CDK14: variants seen among roughly 807,000 people sequenced by gnomAD.
CDK14 encodes the protein cyclin-dependent kinase 14.
A neutral mutation model predicts 60.7 loss-of-function variants in CDK14; 34 were observed. The observed-to-expected ratio is 0.56, with a 90% confidence interval of 0.43 to 0.75. The LOEUF (loss-of-function observed/expected upper bound fraction) is 0.75, where lower values mean the gene tolerates loss of function less well. CDK14 is among the 30% of genes least tolerant of loss of function. The probability of loss-of-function intolerance (pLI) is 0.00; values close to 1 mark genes in which losing one functional copy is unlikely to be tolerated. For synonymous variants in CDK14, 197 were observed against 203.7 expected, an observed-to-expected ratio of 0.97 and a Z score of 0.28; for missense variants, 482 against 564.1, an observed-to-expected ratio of 0.85 and a Z score of 1.47.
chr7:90,647,172 A>G (rs1321111077), intron 2 of CDK14, among the ~76,000 whole-genome samples: 1 of 152,226 alleles, frequency 6.6e-6, no homozygotes, highest in African/African-American at 2.4e-5. Flanking sequence ...ACACTTAGTT[A>G]TACCTGATGA....
At chr7:91,086,123 AACACT>A (rs1232730338) in intron 12 of CDK14, among the ~76,000 whole-genome samples, 2 of 152,194 alleles carry the variant, frequency 1.3e-5, no homozygotes, top group African/African-American at 4.8e-5. Context: ...CTGCTTTGGA[AACACT>A]ACACTAAAGA....
intron 14 of CDK14, among the ~76,000 whole-genome samples, chr7:91,172,833 T>C (rs773376061): frequency 6.6e-6 from 1 of 152,226 alleles, no homozygotes; most frequent in African/African-American, 2.4e-5. Context: ...TTTGACCTTG[T>C]ACCTTACTCT....
chr7:90,662,370 C>A (rs900650878), intron 2 of CDK14, among the ~76,000 whole-genome samples: 23 of 152,236 alleles, frequency 1.5e-4, no homozygotes, highest in African/African-American at 5.3e-4. Context: ...TCCTGCTTTG[C>A]TCTCTTGCTC....
chr7:90,983,108 A>G (rs546094622), intron 9 of CDK14, among the ~76,000 whole-genome samples: 3 of 152,344 alleles, frequency 2.0e-5, no homozygotes, highest in South Asian at 2.1e-4. Context: ...ATGAGAATGT[A>G]TAATAAATTA....
chr7:91,042,726 C>T (rs1340287808), intron 10 of CDK14, among the ~76,000 whole-genome samples: 4 of 152,158 alleles, frequency 2.6e-5, no homozygotes, highest in Non-Finnish European at 5.9e-5. Flanking sequence ...TTCGTGGCAC[C>T]TCAGTTGCAA....
chr7:90,936,676 G>A (rs981657956), intron 8 of CDK14, among the ~76,000 whole-genome samples: 3 of 152,102 alleles, frequency 2.0e-5, no homozygotes, highest in African/African-American at 7.2e-5. Flanking sequence ...CAGCTTGGGT[G>A]CCCTCAGGAA....
chr7:90,841,851 G>A (rs1028156445), intron 5 of CDK14, among the ~76,000 whole-genome samples: 4 of 152,086 alleles, frequency 2.6e-5, no homozygotes, highest in African/African-American at 7.2e-5. Flanking sequence ...GGGCACTGCG[G>A]TAGGTGTTTC....
chr7:90,866,089 T>G (rs1379095066), intron 6 of CDK14, among the ~76,000 whole-genome samples: 2 of 152,134 alleles, frequency 1.3e-5, no homozygotes, highest in Non-Finnish European at 2.9e-5. Context: ...TTGAATAAGT[T>G]TTGTAGATTG....
intron 5 of CDK14, among the ~76,000 whole-genome samples, chr7:90,816,022 C>T (rs1437990430): frequency 6.6e-6 from 1 of 152,088 alleles, no homozygotes; most frequent in African/African-American, 2.4e-5. Context: ...CACCATGGCA[C>T]GTGTATGCCT....
chr7:91,137,628 G>A (rs938989601), intron 14 of CDK14, among the ~76,000 whole-genome samples: 4 of 151,322 alleles, frequency 2.6e-5, no homozygotes, highest in African/African-American at 9.7e-5. Flanking sequence ...ACACACACAC[G>A]CACACACACA....
chr7:90,853,627 A>G (rs957231225), intron 5 of CDK14, among the ~76,000 whole-genome samples: 1 of 152,202 alleles, frequency 6.6e-6, no homozygotes, highest in African/African-American at 2.4e-5. Flanking sequence ...TAAATGTTAA[A>G]TGGACAGTTT....
chr7:91,181,646 C>T (rs1438268250), intron 14 of CDK14, among the ~76,000 whole-genome samples: 1 of 152,112 alleles, frequency 6.6e-6, no homozygotes, highest in Non-Finnish European at 1.5e-5. Flanking sequence ...AAGATGAAGG[C>T]TTGGTTCTTT....
chr7:90,863,094 C>A, intron 5 of CDK14, 81 bp from the exon 6 acceptor site: 1 of 676,498 alleles, frequency 1.5e-6, no homozygotes, highest in Non-Finnish European at 2.6e-6. Context: ...TCTCATCTGA[C>A]AGTGTGCCAA....
At chr7:90,756,551 G>A (rs1049525092) in intron 4 of CDK14, among the ~76,000 whole-genome samples, 6 of 152,160 alleles carry the variant, frequency 3.9e-5, no homozygotes, top group African/African-American at 9.7e-5. Context: ...CCTCCAGGTG[G>A]AGAGGAAAGC....
chr7:90,812,068 A>C lies in CDK14; in HGVS notation c.544+21416A>C, dbSNP rs1363591978. On this transcript the variant is annotated intron_variant, in intron 5 of 14. Transcript: ENST00000380050. ...GTGGAAGTCAGTGTGGCGATTCCTC[A>C]GGGATCTAGAACTAGAAATACCATT... Among the ~76,000 whole-genome samples, 5 of 152,220 alleles carry C rather than the reference A, an allele frequency of 3.3e-5. No individual in the cohort carries two copies. In the East Asian group the frequency reaches 9.6e-4, roughly 29 times the overall value.
intron 12 of CDK14, among the ~76,000 whole-genome samples, chr7:91,080,114 C>G (rs990311062): frequency 6.6e-6 from 1 of 152,136 alleles, no homozygotes; most frequent in Non-Finnish European, 1.5e-5. Flanking sequence ...TAGTCATTCC[C>G]GTTTACTTGT....
chr7:90,708,119 A>C (rs1017697749), intron 2 of CDK14, among the ~76,000 whole-genome samples: 1 of 152,218 alleles, frequency 6.6e-6, no homozygotes, highest in Non-Finnish European at 1.5e-5. Flanking sequence ...GAAATTCATT[A>C]ATTTTTTAAA....
chr7:90,723,982 T>G (rs1049973832), intron 2 of CDK14, among the ~76,000 whole-genome samples: 4 of 152,198 alleles, frequency 2.6e-5, no homozygotes, highest in Admixed American at 6.5e-5. Context: ...TTCATCAGTA[T>G]TTTGAAAGGG....
chr7:90,923,345 G>A (rs150944646), intron 8 of CDK14, among the ~76,000 whole-genome samples: 368 of 152,154 alleles, frequency 2.4e-3, no homozygotes, highest in Non-Finnish European at 4.2e-3. Flanking sequence ...TCCTGACCTC[G>A]TGATCTGCCC....
Sources: allele counts gnomAD v4.1 joint callset (sites outside exome capture counted in the v4.1 genomes callset), GRCh38; gene constraint gnomAD v4.1.1; transcripts MANE v1.5; gene names NCBI Gene and HGNC (gene_info 2026-07-23, HGNC 2026-07-21).